ZMAT4: variants seen among roughly 807,000 people sequenced by gnomAD.
ZMAT4 encodes the protein zinc finger matrin-type protein 4.
A neutral mutation model predicts 28.7 loss-of-function variants in ZMAT4; 17 were observed. The observed-to-expected ratio is 0.59, with a 90% CI of 0.41 to 0.89. ZMAT4 has a LOEUF of 0.89. ZMAT4 is among the 40% of genes least tolerant of loss of function. The pLI, the probability that ZMAT4 is intolerant of heterozygous loss-of-function variation, is 0.00. For synonymous variants in ZMAT4, 117 were observed against 109.2 expected (o/e 1.07, Z -0.44); for missense variants, 240 against 283.8 (o/e 0.85, Z 1.11).
chr8:40,621,059 T>C, intron 5 of ZMAT4, among the ~76,000 whole-genome samples: 1 of 152,242 alleles, frequency 6.6e-6, no homozygotes, highest in East Asian at 1.9e-4. Context: ...TGGCATCCAC[T>C]ATTTCTGGTC....
intron 3 of ZMAT4, among the ~76,000 whole-genome samples, chr8:40,704,532 CT>C (rs1306289707): frequency 1.3e-5 from 2 of 152,178 alleles, no homozygotes; most frequent in Non-Finnish European, 2.9e-5. Flanking sequence ...TGGTCCTGCC[CT>C]TTAATTGCTT....
chr8:40,846,519 G>A (rs1816905382), intron 1 of ZMAT4, among the ~76,000 whole-genome samples: 1 of 152,246 alleles, frequency 6.6e-6, no homozygotes, highest in Admixed American at 6.5e-5. Flanking sequence ...TCGATGCAGA[G>A]TAATTAAAAT....
chr8:40,819,513 G>A (rs896020880), intron 2 of ZMAT4, among the ~76,000 whole-genome samples: 2 of 151,988 alleles, frequency 1.3e-5, no homozygotes, highest in African/African-American at 4.8e-5. Context: ...GTCAGTAAAT[G>A]ACAGCCAGGA....
intron 4 of ZMAT4, among the ~76,000 whole-genome samples, chr8:40,682,738 C>A (rs1809231317): frequency 6.6e-6 from 1 of 152,200 alleles, no homozygotes; most frequent in Non-Finnish European, 1.5e-5. Flanking sequence ...GAAGTTGCTT[C>A]TTTACCCACA....
chr8:40,824,911 G>A (rs974902269), intron 2 of ZMAT4, among the ~76,000 whole-genome samples: 2 of 151,928 alleles, frequency 1.3e-5, no homozygotes, highest in African/African-American at 2.4e-5. Context: ...CCTCATCCTC[G>A]GACACAGGCC....
chr8:40,656,726 A>G (rs1159042369), intron 5 of ZMAT4, among the ~76,000 whole-genome samples: 1 of 151,964 alleles, frequency 6.6e-6, no homozygotes, highest in Non-Finnish European at 1.5e-5. Flanking sequence ...TGCATATATC[A>G]AAAAAAACCT....
intron 3 of ZMAT4, among the ~76,000 whole-genome samples, chr8:40,762,445 A>G (rs962059551): frequency 6.6e-6 from 1 of 152,142 alleles, no homozygotes; most frequent in Admixed American, 6.5e-5. Context: ...ACTCAAAGCC[A>G]GGAGTTCAAG....
chr8:40,588,008 A>C (rs538989883), intron 5 of ZMAT4, among the ~76,000 whole-genome samples: 1 of 152,124 alleles, frequency 6.6e-6, no homozygotes, highest in East Asian at 1.9e-4. Context: ...AGAGATTAAG[A>C]AAATATTTTA....
intron 6 of ZMAT4, among the ~76,000 whole-genome samples, chr8:40,565,290 G>C (rs1245703949): frequency 6.7e-6 from 1 of 149,936 alleles, no homozygotes; most frequent in Non-Finnish European, 1.5e-5. Flanking sequence ...AGTGACAAAA[G>C]TAATTTCCTT....
At chr8:40,533,073 G>T (rs1301960949) in intron 6 of ZMAT4, among the ~76,000 whole-genome samples, 1 of 151,750 alleles carries the variant, frequency 6.6e-6, no homozygotes, top group Non-Finnish European at 1.5e-5. Context: ...TTTTAGTTTT[G>T]TTTTTTTCTT....
At chr8:40,837,171 C>T (rs548685184) in intron 1 of ZMAT4, among the ~76,000 whole-genome samples, 17 of 152,322 alleles carry the variant, frequency 1.1e-4, no homozygotes, top group African/African-American at 3.8e-4. Context: ...TAATTGAGTT[C>T]TGGCTGATGA....
chr8:40,550,030 G>T (rs897597982), intron 6 of ZMAT4, among the ~76,000 whole-genome samples: 1 of 152,104 alleles, frequency 6.6e-6, no homozygotes, highest in Non-Finnish European at 1.5e-5. Flanking sequence ...TCTCAGCCTG[G>T]AGTATCAACT....
intron 5 of ZMAT4, among the ~76,000 whole-genome samples, chr8:40,651,813 C>G (rs1401810843): frequency 9.7e-4 from 130 of 133,462 alleles, no homozygotes; most frequent in East Asian, 3.5e-3. Context: ...ACAAACCTGA[C>G]AAAAACAAGC....
At chr8:40,785,808 T>C (rs1814047768) in intron 2 of ZMAT4, among the ~76,000 whole-genome samples, 1 of 152,190 alleles carries the variant, frequency 6.6e-6, no homozygotes, top group Non-Finnish European at 1.5e-5. Context: ...TGCAGTACCA[T>C]GCATAACCCT....
intron 6 of ZMAT4, among the ~76,000 whole-genome samples, chr8:40,563,525 C>A (rs1233723413): frequency 2.0e-5 from 3 of 152,154 alleles, no homozygotes; most frequent in Non-Finnish European, 4.4e-5. Context: ...ATAAATATAT[C>A]TGCTGTCTAA....
intron 3 of ZMAT4, 119 bp from the exon 4 acceptor site, chr8:40,697,520 T>TCTCA: frequency 9.0e-7 from 1 of 1,106,770 alleles, no homozygotes; most frequent in Non-Finnish European, 1.2e-6. Flanking sequence ...GCAAGCTGTC[T>TCTCA]CTCTCTCTTT....
At chr8:40,554,347 G>A (rs553201981) in intron 6 of ZMAT4, among the ~76,000 whole-genome samples, 1 of 151,974 alleles carries the variant, frequency 6.6e-6, no homozygotes, top group Non-Finnish European at 1.5e-5. Flanking sequence ...ATTAACTAAA[G>A]AGTTAATTAA....
chr8:40,619,485 C>A (rs760658789), intron 5 of ZMAT4, among the ~76,000 whole-genome samples: 2 of 152,084 alleles, frequency 1.3e-5, no homozygotes, highest in African/African-American at 4.8e-5. Flanking sequence ...GTCTTTAAGG[C>A]GGACACTAAT....
chr8:40,732,876 A>G (rs1226507951), intron 3 of ZMAT4, among the ~76,000 whole-genome samples: 1 of 64,782 alleles, frequency 1.5e-5, no homozygotes, highest in African/African-American at 5.7e-5. Flanking sequence ...TTGGGGGTTT[A>G]GCACTGTTGC....
Sources: allele counts gnomAD v4.1 joint callset (sites outside exome capture counted in the v4.1 genomes callset), GRCh38; gene constraint gnomAD v4.1.1; transcripts MANE v1.5; gene names NCBI Gene and HGNC (gene_info 2026-07-23, HGNC 2026-07-21).